ARHGEF10L: variants seen among roughly 807,000 people sequenced by gnomAD.
The protein encoded by ARHGEF10L is rho guanine nucleotide exchange factor 10-like protein.
In ARHGEF10L, 69 loss-of-function variants were observed where a neutral mutation model predicts 141.2. The observed-to-expected ratio is 0.49, with a 90% CI of 0.40 to 0.60. The LOEUF is 0.60. Ranked by LOEUF, ARHGEF10L falls within the 20% of genes least tolerant of loss-of-function variation. ARHGEF10L has a pLI of 0.00. For missense variants in ARHGEF10L, 1,482 were observed against 1,734.3 expected (o/e 0.85, Z 2.58); for synonymous variants, 711 against 718.5 (o/e 0.99, Z 0.17).
Position 17,627,185 on chromosome 1 carries a change from GCATCTGGTGC to G in ARHGEF10L, c.1411-138_1411-129del. 1.2e-6 allele frequency: 1 copy of G among 837,180 alleles called. No homozygotes were observed. The highest frequency in any genetic ancestry group is 2.1e-5 in the South Asian group (1 of 47,258). 51.9% of individuals were successfully genotyped at this position (837,180 alleles called of 1,614,324 possible). A position where few individuals can be genotyped will look rare whatever the true frequency, so the allele number is the denominator to read the frequency against. ...TAGCTGTTTCTTGAGGTCTTGTTCT[GCATCTGGTGC>G]CATCTGTCCTGGCCTCAGGCCGGGC... On this transcript the variant is annotated intron_variant, in intron 14 of 28. Transcript: ENST00000361221. The surrounding 1 kb of genome is among the most constrained non-coding windows in gnomAD (Gnocchi z 4.0).
intron 4 of ARHGEF10L, among the ~76,000 whole-genome samples, chr1:17,595,408 G>A (rs140791452): frequency 6.6e-6 from 1 of 152,220 alleles, no homozygotes; most frequent in Non-Finnish European, 1.5e-5. Context: ...CATTGCCACA[G>A]AGCAGGAGGC....
rs1293496163 is a variant in ARHGEF10L at position 17,619,440 on chromosome 1, C to T, written c.937C>T (p.Gln313Ter). 1.2e-6 allele frequency: 2 copies of T among 1,602,582 alleles called. No individual in the cohort carries two copies. Among genetic ancestry groups the T allele is most frequent in the Non-Finnish European group, 1.7e-6 (2 of 1,175,506 alleles). ...LGPMPEGLSP[Q>*]QVVRRHILGS... The stretch of plus-strand genomic sequence containing the variant: ...CCCCATGCCAGAGGGCCTGAGCCCT[C>T]AGCAGGTCTGTGGGGGAGTGGGGCA... The change falls in exon 10 of 29, where the codon CAG (glutamine) becomes TAG (stop). Residue 313 changes from glutamine (Q) to a stop codon, truncating the protein, a stop_gained. Transcript: ENST00000361221. LOFTEE classifies it high-confidence loss of function. The surrounding 1 kb of genome is among the most constrained non-coding windows in gnomAD (Gnocchi z 5.0).
chr1:17,596,157 G>C (rs982250957), intron 4 of ARHGEF10L, among the ~76,000 whole-genome samples: 9 of 152,190 alleles, frequency 5.9e-5, no homozygotes, highest in Admixed American at 5.9e-4. Context: ...GGGCCCTGGC[G>C]CCCACATCTT....
At chr1:17,655,471 C>T (rs1326746272) in intron 23 of ARHGEF10L, among the ~76,000 whole-genome samples, 1 of 119,446 alleles carries the variant, frequency 8.4e-6, no homozygotes, top group African/African-American at 2.6e-5. Flanking sequence ...ATCCATCCAT[C>T]CATCCATCTA....
intron 7 of ARHGEF10L, among the ~76,000 whole-genome samples, chr1:17,611,971 C>T (rs914394068): frequency 1.3e-4 from 20 of 148,956 alleles, no homozygotes; most frequent in Admixed American, 2.0e-4. Context: ...GTTCTCCCAT[C>T]GGTTTGTCCA....
At chr1:17,662,545 G>A (rs888031521) in intron 25 of ARHGEF10L, among the ~76,000 whole-genome samples, 5 of 152,180 alleles carry the variant, frequency 3.3e-5, no homozygotes, top group African/African-American at 9.6e-5. Context: ...GGGAGTCCCT[G>A]TTCCCCTGCT....
Position 17,594,144 on chromosome 1 carries a change from TG to T in ARHGEF10L, c.257+5667del, listed in dbSNP as rs1236459873. ...GTTTGGCTCTAGGGCCAGATCATAA[TG>T]GCCTGAATGTACCCAGCACTTCTTA... On this transcript the variant is annotated intron_variant, in intron 4 of 28. Coordinates refer to ENST00000361221, the MANE Select transcript of ARHGEF10L (RefSeq NM_018125.4). 2.0e-5 allele frequency among the ~76,000 whole-genome samples: 3 copies of T among 151,818 alleles called. No individual in the cohort carries two copies. The South Asian group carries it at 6.2e-4, about 32-fold the overall frequency.
chr1:17,646,573 C>T (rs1304906101), intron 21 of ARHGEF10L, among the ~76,000 whole-genome samples: 5 of 152,256 alleles, frequency 3.3e-5, no homozygotes, highest in Admixed American at 6.5e-5. Flanking sequence ...TGCACACACA[C>T]GCACGCGTGC....
chr1:17,666,984 A>G (rs2063024384), intron 26 of ARHGEF10L, among the ~76,000 whole-genome samples: 1 of 148,288 alleles, frequency 6.7e-6, no homozygotes, highest in African/African-American at 2.6e-5. Flanking sequence ...TCTGGGTCTC[A>G]AGCCAGGAAG....
At chr1:17,527,017 C>T in the ARHGEF10L span, among the ~76,000 whole-genome samples, 1 of 152,058 alleles carries the variant, frequency 6.6e-6, no homozygotes, top group African/African-American at 2.4e-5. Flanking sequence ...CTAAGTGGGG[C>T]CGGGATCCCA....
At chr1:17,642,777 A>C (rs945493156) in intron 21 of ARHGEF10L, among the ~76,000 whole-genome samples, 1 of 152,192 alleles carries the variant, frequency 6.6e-6, no homozygotes, top group African/African-American at 2.4e-5. Context: ...GGCCCTCAGA[A>C]AGGCTAATGT....
chr1:17,579,230 A>G (rs2078365961), intron 1 of ARHGEF10L, among the ~76,000 whole-genome samples: 1 of 152,196 alleles, frequency 6.6e-6, no homozygotes, highest in Non-Finnish European at 1.5e-5. Flanking sequence ...CACGTTGGCC[A>G]GGCTGGTCTC....
intron 1 of ARHGEF10L, among the ~76,000 whole-genome samples, chr1:17,549,489 G>C (rs778389648): frequency 6.6e-6 from 1 of 152,130 alleles, no homozygotes; most frequent in Non-Finnish European, 1.5e-5. Flanking sequence ...TACAGGATTC[G>C]TTAGCTGCAG....
At chr1:17,596,484 G>T (rs1484127906) in intron 4 of ARHGEF10L, among the ~76,000 whole-genome samples, 1 of 152,226 alleles carries the variant, frequency 6.6e-6, no homozygotes, top group Non-Finnish European at 1.5e-5. Context: ...GTCCTTTCTA[G>T]TCCCATCCCC....
chr1:17,634,508 G>A, intron 16 of ARHGEF10L, 40 bp from the exon 17 acceptor site: 1 of 1,614,138 alleles, frequency 6.2e-7, no homozygotes. Flanking sequence ...CCACTCCATT[G>A]TAATAACAAT....
At position 17,588,496 on chromosome 1, in the gene ARHGEF10L, C is replaced by A; in HGVS notation, c.257+17C>A. 6.2e-7 allele frequency: 1 copy of A among 1,613,900 alleles called. No homozygotes were observed. Among genetic ancestry groups the A allele is most frequent in the African/African-American group, 1.3e-5 (1 of 75,014 alleles). ...CGGCACAGGGTAAGTGAACCTTGCT[C>A]CTTTGCTTTGGCGGTTGGAAACAGG... On this transcript the variant is annotated intron_variant, in intron 4 of 28. Coordinates refer to ENST00000361221, the MANE Select transcript of ARHGEF10L (RefSeq NM_018125.4).
chr1:17,581,543 G>C (rs959793007), intron 2 of ARHGEF10L, among the ~76,000 whole-genome samples: 11 of 152,124 alleles, frequency 7.2e-5, no homozygotes, highest in African/African-American at 2.4e-4. Flanking sequence ...CACTATGAGA[G>C]AGGCAGAATT....
At chr1:17,520,644 A>G in the ARHGEF10L span, among the ~76,000 whole-genome samples, 1 of 152,144 alleles carries the variant, frequency 6.6e-6, no homozygotes, top group Non-Finnish European at 1.5e-5. Flanking sequence ...CTGTGAGGAG[A>G]ACCGTGCTGG....
rs2060083835 is a variant in ARHGEF10L at position 17,621,073 on chromosome 1, G to T, written c.943-791G>T. Among the ~76,000 whole-genome samples the T allele has an allele frequency of 6.6e-6, 1 of 152,114 alleles. No individual in the cohort carries two copies. On this transcript the variant is annotated intron_variant, in intron 10 of 28. Coordinates refer to ENST00000361221, the MANE Select transcript of ARHGEF10L (RefSeq NM_018125.4). The surrounding 1 kb of genome is among the most constrained non-coding windows in gnomAD (Gnocchi z 4.1). ...TGGAGGGTTACGGTGATGGTGGAAG[G>T]GAAAGGAGAAGGGACTGGGGATGTT... is the stretch of plus-strand genomic sequence containing the variant.
Sources: gnomAD v4.1 joint callset for allele counts (sites outside exome capture counted in the v4.1 genomes callset) on GRCh38, gnomAD v4.1.1 for gene constraint, Gnocchi (gnomAD v3.1) non-coding constraint, MANE v1.5 for transcripts, NCBI Gene and HGNC (gene_info 2026-07-23, HGNC 2026-07-21) for gene names.